The following IL1RAPL2 variants were observed in gnomAD, a reference collection of about 807,000 sequenced individuals.
The protein encoded by IL1RAPL2 is interleukin 1 receptor accessory protein like 2, also known as X-linked interleukin-1 receptor accessory protein-like 2.
In IL1RAPL2, 3 loss-of-function variants were observed where a neutral mutation model predicts 44.1. That is an observed-to-expected ratio of 0.07 (90% confidence interval 0.03 to 0.18). The LOEUF (loss-of-function observed/expected upper bound fraction) is 0.18. IL1RAPL2 is among the 10% of genes least tolerant of loss of function. The probability of loss-of-function intolerance (pLI) is 1.00; values close to 1 mark genes in which losing one functional copy is unlikely to be tolerated. For missense variants in IL1RAPL2, 391 were observed against 496.4 expected (o/e 0.79, Z 2.02); for synonymous variants, 181 against 178.8 (o/e 1.01, Z -0.10).
At chrX:105,674,098 A>G (rs1025878705) in intron 6 of IL1RAPL2, among the ~76,000 whole-genome samples, 1 of 110,877 alleles carries the variant, frequency 9.0e-6, no homozygotes, top group Admixed American at 9.6e-5. Context: ...AATTGAAAAA[A>G]TTTTCTCCCA....
intron 6 of IL1RAPL2, among the ~76,000 whole-genome samples, chrX:105,641,966 C>T (rs2037572386): frequency 9.0e-6 from 1 of 111,418 alleles, no homozygotes; most frequent in African/African-American, 3.3e-5. Context: ...CTTTCTGACC[C>T]TTTTTGAGTA....
At chrX:104,815,196 A>G (rs894559178) in intron 2 of IL1RAPL2, among the ~76,000 whole-genome samples, 2 of 111,801 alleles carry the variant, frequency 1.8e-5, no homozygotes, top group African/African-American at 6.5e-5. Context: ...TTTGTTTCCT[A>G]TTGCTGCTGT....
intron 2 of IL1RAPL2, among the ~76,000 whole-genome samples, chrX:104,929,823 C>T (rs1454282496): frequency 8.9e-6 from 1 of 111,895 alleles, no homozygotes; most frequent in Admixed American, 9.5e-5. Context: ...AAGTTTTTCA[C>T]ATGTTCCACA....
chrX:104,777,348 T>G (rs1043511847), intron 2 of IL1RAPL2, among the ~76,000 whole-genome samples: 1 of 110,307 alleles, frequency 9.1e-6, no homozygotes, highest in African/African-American at 3.3e-5. Context: ...CCATCAAGGT[T>G]TATCAATATT....
At chrX:104,783,875 G>A (rs1450502049) in intron 2 of IL1RAPL2, among the ~76,000 whole-genome samples, 1 of 109,908 alleles carries the variant, frequency 9.1e-6, no homozygotes, top group East Asian at 2.8e-4. Context: ...AACCTTTCTT[G>A]GCAAGGATGG....
chrX:104,615,857 GTTC>G (rs1225409525), intron 1 of IL1RAPL2, among the ~76,000 whole-genome samples: 1 of 112,155 alleles, frequency 8.9e-6, no homozygotes, highest in Non-Finnish European at 1.9e-5. Context: ...GCATAAAAGT[GTTC>G]TTATTTCTCT....
At chrX:104,851,864 A>G (rs1333975600) in intron 2 of IL1RAPL2, among the ~76,000 whole-genome samples, 1 of 111,487 alleles carries the variant, frequency 9.0e-6, no homozygotes, top group African/African-American at 3.3e-5. Context: ...AGGAGGAGGA[A>G]CCTCACTTTA....
chrX:105,227,353 A>G (rs1481647645), intron 3 of IL1RAPL2, among the ~76,000 whole-genome samples: 1 of 112,222 alleles, frequency 8.9e-6, no homozygotes, highest in Non-Finnish European at 1.9e-5. Flanking sequence ...TTTACAGGCT[A>G]GAGATATCAT....
chrX:104,679,049 A>T (rs1401818388), intron 2 of IL1RAPL2, among the ~76,000 whole-genome samples: 1 of 112,177 alleles, frequency 8.9e-6, no homozygotes, highest in Non-Finnish European at 1.9e-5. Flanking sequence ...TTTGAACTAA[A>T]GAAACTTACC....
chrX:105,619,625 A>G (rs1351039957), intron 6 of IL1RAPL2, among the ~76,000 whole-genome samples: 1 of 111,473 alleles, frequency 9.0e-6, no homozygotes, highest in Non-Finnish European at 1.9e-5. Context: ...AAGGCCCAGC[A>G]TAAAAGCAGG....
At chrX:104,615,937 G>C (rs924144474) in intron 1 of IL1RAPL2, among the ~76,000 whole-genome samples, 4 of 112,026 alleles carry the variant, frequency 3.6e-5, no homozygotes, top group African/African-American at 9.7e-5. Flanking sequence ...GCATGGGATG[G>C]TATCTCATTG....
At chrX:105,188,412 G>A (rs2033608056) in intron 2 of IL1RAPL2, among the ~76,000 whole-genome samples, 1 of 111,664 alleles carries the variant, frequency 9.0e-6, no homozygotes, top group Non-Finnish European at 1.9e-5. Context: ...TTCCCAAGGA[G>A]ACTCATCAGG....
chrX:104,914,980 G>A (rs1313992863), intron 2 of IL1RAPL2, among the ~76,000 whole-genome samples: 1 of 111,650 alleles, frequency 9.0e-6, no homozygotes, highest in Non-Finnish European at 1.9e-5. Flanking sequence ...GGACATTTGG[G>A]TTGGTTCCAA....
intron 2 of IL1RAPL2, among the ~76,000 whole-genome samples, chrX:104,888,319 T>A (rs1253213557): frequency 0.037 from 1,699 of 46,038 alleles, no homozygotes; most frequent in Non-Finnish European, 0.049. Context: ...AAAGAGGGAG[T>A]CAGAGAGAGA....
At chrX:105,489,237 C>T (rs2036291808) in intron 6 of IL1RAPL2, among the ~76,000 whole-genome samples, 1 of 111,345 alleles carries the variant, frequency 9.0e-6, no homozygotes, top group Non-Finnish European at 1.9e-5. Context: ...TTTTTTCTCT[C>T]TCTGAAGGTA....
intron 2 of IL1RAPL2, among the ~76,000 whole-genome samples, chrX:105,079,414 C>G (rs914456476): frequency 2.8e-5 from 3 of 108,679 alleles, no homozygotes; most frequent in Non-Finnish European, 5.7e-5. Context: ...GACTTGGAAC[C>G]AACCCAAATG....
chrX:105,007,761 C>A (rs1033723694), intron 2 of IL1RAPL2, among the ~76,000 whole-genome samples: 1 of 68,823 alleles, frequency 1.5e-5, no homozygotes, highest in Non-Finnish European at 2.9e-5. Flanking sequence ...TTAATAAGGG[C>A]AATTCTGTAA....
intron 1 of IL1RAPL2, among the ~76,000 whole-genome samples, chrX:104,636,479 G>A (rs189766966): frequency 9.8e-5 from 11 of 112,221 alleles, no homozygotes; most frequent in South Asian, 3.7e-4. Flanking sequence ...CTTGAGCTGC[G>A]GTGGACTCCA....
At chrX:104,939,466 T>G (rs1925110317) in intron 2 of IL1RAPL2, among the ~76,000 whole-genome samples, 1 of 112,044 alleles carries the variant, frequency 8.9e-6, no homozygotes, top group African/African-American at 3.2e-5. Flanking sequence ...TTTTGGTTGT[T>G]TAGTAAATAT....
Sources: gnomAD v4.1 joint callset for allele counts (sites outside exome capture counted in the v4.1 genomes callset) on GRCh38, gnomAD v4.1.1 for gene constraint, MANE v1.5 for transcripts, NCBI Gene and HGNC (gene_info 2026-07-23, HGNC 2026-07-21) for gene names.